Variants in INSR observed in about 807,000 individuals in gnomAD.
INSR encodes the protein IR.
In INSR, 67 loss-of-function variants were observed where a neutral mutation model predicts 142.6. That is an observed-to-expected ratio of 0.47 (90% CI 0.39 to 0.58). INSR has a LOEUF of 0.58. INSR is among the 20% of genes least tolerant of loss of function. The pLI is 0.00. For missense variants in INSR, 1,248 were observed against 1,833.2 expected (o/e 0.68, Z 5.83); for synonymous variants, 756 against 743.1 (o/e 1.02, Z -0.28).
At chr19:7,268,019 GC>G in intron 1 of INSR, 123 bp from the exon 2 acceptor site, 2 of 852,654 alleles carry the variant, frequency 2.3e-6, no homozygotes, top group Non-Finnish European at 3.9e-6. Context: ...TTCATCCCGG[GC>G]CCTGTAAACT....
chr19:7,288,952 A>G (rs1968417122), intron 1 of INSR, among the ~76,000 whole-genome samples: 2 of 49,650 alleles, frequency 4.0e-5, no homozygotes. Context: ...GAAGAAGTGA[A>G]AAAAAAAAAA....
chr19:7,180,626 C>A (rs369907726), intron 3 of INSR, among the ~76,000 whole-genome samples: 1 of 150,402 alleles, frequency 6.6e-6, no homozygotes, highest in Non-Finnish European at 1.5e-5. Context: ...TTGACTCAGA[C>A]GGGAAGGATT....
At chr19:7,174,505 T>G in intron 4 of INSR, 78 bp downstream of exon 4, 2 of 1,550,680 alleles carry the variant, frequency 1.3e-6, no homozygotes, top group Non-Finnish European at 1.8e-6. Context: ...GGGTCTGCAC[T>G]GCTTTTCTTC....
chr19:7,279,139 AGAAAT>A (rs1275023918), intron 1 of INSR, among the ~76,000 whole-genome samples: 2 of 151,524 alleles, frequency 1.3e-5, no homozygotes, highest in Admixed American at 6.6e-5. Flanking sequence ...AAAAAAGAAA[AGAAAT>A]AAAATAAAAT....
intron 6 of INSR, 39 bp downstream of exon 6, chr19:7,170,498 G>A (rs373463059): frequency 2.0e-4 from 302 of 1,500,858 alleles, no homozygotes; most frequent in Non-Finnish European, 2.5e-4. Flanking sequence ...CCACTACACC[G>A]GTCCCTCATG....
chr19:7,253,360 C>T (rs989680931), intron 2 of INSR, among the ~76,000 whole-genome samples: 3 of 151,868 alleles, frequency 2.0e-5, no homozygotes, highest in African/African-American at 4.8e-5. Flanking sequence ...TGCCTCAGCC[C>T]CCCGAGTAGC....
At chr19:7,224,731 G>T (rs1038683849) in intron 2 of INSR, among the ~76,000 whole-genome samples, 4 of 152,194 alleles carry the variant, frequency 2.6e-5, no homozygotes, top group African/African-American at 9.7e-5. Context: ...AAGAGTGTTT[G>T]GATGAAGCTG....
intron 15 of INSR, among the ~76,000 whole-genome samples, chr19:7,128,236 G>T (rs866377449): frequency 1.4e-5 from 2 of 147,010 alleles, no homozygotes; most frequent in Non-Finnish European, 3.0e-5. Flanking sequence ...TTCCCGAGAC[G>T]GAGTCTCCCT....
At chr19:7,165,805 G>A (rs1215271495) in intron 8 of INSR, among the ~76,000 whole-genome samples, 4 of 151,364 alleles carry the variant, frequency 2.6e-5, no homozygotes, top group African/African-American at 4.9e-5. Context: ...GGAGGTTGCA[G>A]TGAGCCGAGA....
chr19:7,129,030 T>A, intron 14 of INSR, 76 bp from the exon 15 acceptor site: 2 of 1,188,400 alleles, frequency 1.7e-6, no homozygotes, highest in East Asian at 2.4e-5. Context: ...TCACATCCAC[T>A]CCTGGAATGG....
intron 16 of INSR, among the ~76,000 whole-genome samples, chr19:7,126,212 C>T (rs1235175113): frequency 6.6e-6 from 1 of 152,206 alleles, no homozygotes; most frequent in Non-Finnish European, 1.5e-5. Flanking sequence ...AGCCTACTGA[C>T]CACCAGACAT....
At chr19:7,269,081 CCA>C (rs1967831928) in intron 1 of INSR, among the ~76,000 whole-genome samples, 1 of 148,928 alleles carries the variant, frequency 6.7e-6, no homozygotes, top group Non-Finnish European at 1.5e-5. Flanking sequence ...AACACACACA[CCA>C]CAGTCCTCAG....
At position 7,119,352 on chromosome 19, in the gene INSR, G is replaced by C; in HGVS notation, c.3794+97C>G. On this transcript the variant is annotated intron_variant, in intron 21 of 21. Transcript: ENST00000302850. The surrounding 1 kb of genome is among the most constrained non-coding windows in gnomAD (Gnocchi z 5.2). ...AACATACAGCATGCAAACACGGTGA[G>C]CGTGTAGACATAGGAAAGGCAAAAC... 1 of 1,336,880 alleles carries C rather than the reference G, an allele frequency of 7.5e-7. No individual in the cohort carries two copies. The highest frequency in any genetic ancestry group is 2.3e-5 in the East Asian group (1 of 43,518). 82.8% of individuals were successfully genotyped at this position (1,336,880 alleles called of 1,614,324 possible). A position where few individuals can be genotyped will look rare whatever the true frequency, so the allele number is the denominator to read the frequency against.
Position 7,166,311 on chromosome 19 carries a change from G to T in INSR, c.1704C>A (p.Asn568Lys), listed in dbSNP as rs574579535. Residue 568 changes from asparagine to lysine, a missense_variant, in exon 8 of 22, where the codon AAC (asparagine) becomes AAA (lysine). By Grantham distance (94) the Asn-to-Lys change is moderately conservative. Transcript: ENST00000302850. This position sits in a 1 kb window ranked among gnomAD's most constrained non-coding sequence, Gnocchi z 4.1. ...VVDIDPPLRS[N>K]DPKSQNHPGW... ...CTGGGTGGTTCTGTGATTTGGGGTC[G>T]TTGGACCTCAGGGGTGGGTCAATGT... The T allele has an allele frequency of 6.2e-7, 1 of 1,614,150 alleles. No individual in the cohort carries two copies. Among genetic ancestry groups the T allele is most frequent in the Non-Finnish European group, 8.5e-7 (1 of 1,180,022 alleles).
At chr19:7,183,974 G>A (rs113851839) in intron 3 of INSR, among the ~76,000 whole-genome samples, 2,222 of 149,960 alleles carry the variant, frequency 0.015, 29 homozygotes, top group African/African-American at 0.039. Context: ...CAGGAAAATC[G>A]CTTGAACCCA....
In INSR at chr19:7,132,163, T is replaced by A; in HGVS notation, c.2837A>T (p.Asp946Val). The A allele has an allele frequency of 6.2e-7, 1 of 1,614,018 alleles. No individual in the cohort carries two copies. The highest frequency in any genetic ancestry group is 8.5e-7 in the Non-Finnish European group (1 of 1,179,964). The change falls in exon 14 of 22, where the codon GAC becomes GTC. Residue 946 changes from aspartate (D) to valine (V), a missense_variant. This residue lies in a region of INSR where 1,069 missense variants were observed against 1,654.0 expected (regional missense o/e 0.65). Coordinates refer to ENST00000302850, the MANE Select transcript of INSR (RefSeq NM_000208.4). The stretch of plus-strand genomic sequence containing the variant: ...AGGCTGCCATGGAGACTTACAATAG[T>A]CTGTCACGTAGAAATAGGTGGGTTC... ...WTEPTYFYVT[D>V]YLDVPSNIAK... is the part of the protein sequence containing the mutation.
rs939634932 is a variant in INSR, at chr19:7,152,534, T to C, written c.2231+192A>G. ...CCCCTTTTGTGCGATTATTTGCTCT[T>C]CCTGATAAAATTCCCCTCGAAATTT... On this transcript the variant is annotated intron_variant, in intron 10 of 21. Transcript: ENST00000302850. 6 of 664,444 alleles carry C rather than the reference T, an allele frequency of 9.0e-6. No homozygotes were observed. The African/African-American group carries it at 1.1e-4, about 12-fold the overall frequency. The allele number at this position is 664,444 out of a possible 1,614,324, so 41.2% of individuals were successfully genotyped here.
chr19:7,126,232 A>G (rs1972642528), intron 16 of INSR, among the ~76,000 whole-genome samples: 1 of 152,170 alleles, frequency 6.6e-6, no homozygotes, highest in Admixed American at 6.5e-5. Context: ...TGTGAGTGAA[A>G]TCATCTAAGA....
chr19:7,198,145 G>A (rs975724213), intron 2 of INSR, among the ~76,000 whole-genome samples: 1 of 151,868 alleles, frequency 6.6e-6, no homozygotes, highest in Non-Finnish European at 1.5e-5. Context: ...AGGCCTCAGC[G>A]CAGCACAAAG....
Sources: gnomAD v4.1 joint callset for allele counts (sites outside exome capture counted in the v4.1 genomes callset) on GRCh38, gnomAD v4.1.1 for gene constraint, gnomAD v4.1.1 regional missense constraint, Gnocchi (gnomAD v3.1) non-coding constraint, MANE v1.5 for transcripts, NCBI Gene and HGNC (gene_info 2026-07-23, HGNC 2026-07-21) for gene names.